The following CASK variants were observed in gnomAD, a reference collection of about 807,000 sequenced individuals.
CASK encodes the protein peripheral plasma membrane protein CASK.
In CASK, 4 loss-of-function variants were observed where a neutral mutation model predicts 82.9. The observed-to-expected ratio is 0.05, with a 90% confidence interval of 0.02 to 0.11. The LOEUF (loss-of-function observed/expected upper bound fraction) is 0.11. Ranked by LOEUF, CASK falls within the 10% of genes least tolerant of loss-of-function variation. CASK has a pLI of 1.00. For missense variants in CASK, 358 were observed against 720.9 expected, an observed-to-expected ratio of 0.50 and a Z score of 5.76; for synonymous variants, 259 against 253.5, an observed-to-expected ratio of 1.02 and a Z score of -0.20.
rs1036645159 is a variant in CASK at position 41,526,744 on chromosome X, T to A, written c.2521-2710A>T. Among the ~76,000 whole-genome samples, 3 of 112,142 alleles carry A rather than the reference T, an allele frequency of 2.7e-5. No individual in the cohort carries two copies. In the Admixed American group the frequency reaches 2.8e-4, roughly 11 times the overall value. On this transcript the variant is annotated intron_variant, in intron 25 of 26. Transcript: ENST00000378163. ...TTAATGTTTATCACAGTAACTAAAG[T>A]AGCCCTGTGGTTAGCATATTTGCTT...
chrX:41,922,387 C>G (rs968868804), intron 1 of CASK, among the ~76,000 whole-genome samples: 7 of 111,494 alleles, frequency 6.3e-5, no homozygotes, highest in Non-Finnish European at 1.3e-4. Context: ...CAACTCTTTC[C>G]ACGTTCGTGT....
At chrX:41,575,541 A>C (rs2065473376) in intron 15 of CASK, among the ~76,000 whole-genome samples, 1 of 111,359 alleles carries the variant, frequency 9.0e-6, no homozygotes, top group Non-Finnish European at 1.9e-5. Flanking sequence ...ATCAATAAAA[A>C]AAAAAATTAT....
intron 1 of CASK, among the ~76,000 whole-genome samples, chrX:41,893,778 C>G (rs1469150286): frequency 8.9e-6 from 1 of 112,262 alleles, no homozygotes; most frequent in Non-Finnish European, 1.9e-5. Flanking sequence ...AAAATAAAAA[C>G]AAGAATTTAA....
chrX:41,878,031 G>T (rs2071864808), intron 1 of CASK, among the ~76,000 whole-genome samples: 1 of 104,768 alleles, frequency 9.5e-6, no homozygotes, highest in South Asian at 4.0e-4. Flanking sequence ...TTTTCATGAG[G>T]TGTGAAGATA....
intron 9 of CASK, among the ~76,000 whole-genome samples, chrX:41,633,371 A>G (rs1261588660): frequency 9.0e-6 from 1 of 110,702 alleles, no homozygotes; most frequent in East Asian, 2.8e-4. Context: ...AACAACAGTT[A>G]CCACTTTCCT....
chrX:41,884,393 T>C (rs943369021), intron 1 of CASK, among the ~76,000 whole-genome samples: 1 of 110,890 alleles, frequency 9.0e-6, no homozygotes, highest in Admixed American at 9.5e-5. Flanking sequence ...GACTTAAAAG[T>C]TGGATATAGT....
chrX:41,726,896 T>C (rs2068270513), intron 5 of CASK: 1 of 364,885 alleles, frequency 2.7e-6, no homozygotes, highest in African/African-American at 2.6e-5. Flanking sequence ...TTGTTACTAT[T>C]TTATTTAATT....
chrX:41,726,175 C>T (rs1432911841), intron 5 of CASK, among the ~76,000 whole-genome samples: 1 of 112,212 alleles, frequency 8.9e-6, no homozygotes, highest in Non-Finnish European at 1.9e-5. Flanking sequence ...TCTTGAAATC[C>T]TGGTCTCAAG....
At chrX:41,735,203 C>T in intron 5 of CASK, among the ~76,000 whole-genome samples, 1 of 111,140 alleles carries the variant, frequency 9.0e-6, no homozygotes, top group Non-Finnish European at 1.9e-5. Context: ...TAAAATATTG[C>T]AATGCTCTTC....
At chrX:41,859,032 T>C (rs1041037840) in intron 1 of CASK, among the ~76,000 whole-genome samples, 6 of 111,397 alleles carry the variant, frequency 5.4e-5, no homozygotes, top group Non-Finnish European at 1.1e-4. Context: ...AGTTGCTACA[T>C]ATAAACTTTG....
At chrX:41,622,748 C>T in intron 10 of CASK, 114 bp from the exon 11 acceptor site, 1 of 526,112 alleles carries the variant, frequency 1.9e-6, no homozygotes, top group African/African-American at 2.3e-5. Flanking sequence ...GGTCCCCCAG[C>T]TGACCCCAAA....
At chrX:41,744,287 T>C (rs892234439) in intron 4 of CASK, among the ~76,000 whole-genome samples, 1 of 110,693 alleles carries the variant, frequency 9.0e-6, no homozygotes, top group African/African-American at 3.3e-5. Flanking sequence ...TGTGTTGCTC[T>C]AAATGTATAA....
chrX:41,748,751 C>T (rs755114902), intron 3 of CASK: 61 of 115,324 alleles, frequency 5.3e-4, no homozygotes, highest in Non-Finnish European at 9.6e-4. Flanking sequence ...GGGGAGGAGG[C>T]AGCAAAGTGG....
At chrX:41,675,879 A>G in intron 5 of CASK, 1 of 1,204,145 alleles carries the variant, frequency 8.3e-7, no homozygotes, top group South Asian at 1.8e-5. Context: ...TCTTCAATTA[A>G]TGTATCAAGT....
In CASK at chrX:41,923,145, A is replaced by T; in HGVS notation, c.-157T>A. 3.0e-6 allele frequency: 1 copy of T among 330,017 alleles called. No homozygotes were observed. The highest frequency in any genetic ancestry group is 2.7e-5 in the African/African-American group (1 of 36,581). The allele number at this position is 330,017 out of a possible 1,213,427, so 27.2% of individuals were successfully genotyped here. A position where few individuals can be genotyped will look rare whatever the true frequency, so the allele number is the denominator to read the frequency against. On this transcript the variant is annotated 5_prime_UTR_variant, in exon 1 of 27. Transcript: ENST00000378163. Reference sequence around the variant, plus strand: ...TCGAGTGGGGCCGCGAGGCCCAGAGACTGCGGCGCCTTCCTCTGCAGGCGA... The same window carrying T: ...TCGAGTGGGGCCGCGAGGCCCAGAGTCTGCGGCGCCTTCCTCTGCAGGCGA...
At chrX:41,540,873 G>C (rs979068529) in intron 22 of CASK, among the ~76,000 whole-genome samples, 7 of 112,457 alleles carry the variant, frequency 6.2e-5, no homozygotes, top group Non-Finnish European at 1.3e-4. Context: ...TTTCCTCAGA[G>C]CTGAATTAAA....
chrX:41,541,255 G>C (rs1303934322), intron 22 of CASK, among the ~76,000 whole-genome samples: 1 of 111,902 alleles, frequency 8.9e-6, no homozygotes, highest in Non-Finnish European at 1.9e-5. Flanking sequence ...TATAGACAGG[G>C]TATTGCTGTT....
intron 5 of CASK, among the ~76,000 whole-genome samples, chrX:41,677,457 T>C (rs755819025): frequency 8.9e-6 from 1 of 111,799 alleles, no homozygotes; most frequent in South Asian, 3.7e-4. Flanking sequence ...TGAAGAAACT[T>C]TTTCAAGTAG....
chrX:41,559,710 CAT>C, intron 18 of CASK, 67 bp downstream of exon 18: 1 of 960,778 alleles, frequency 1.0e-6, no homozygotes, highest in Non-Finnish European at 1.5e-6. Flanking sequence ...AAAGCAAAAA[CAT>C]ACAGCCATCA....
Sources: gnomAD v4.1 joint callset for allele counts (sites outside exome capture counted in the v4.1 genomes callset) on GRCh38, gnomAD v4.1.1 for gene constraint, MANE v1.5 for transcripts, NCBI Gene and HGNC (gene_info 2026-07-23, HGNC 2026-07-21) for gene names.